Variants in SDK1 observed in about 807,000 individuals in gnomAD.
The protein encoded by SDK1 is sidekick cell adhesion molecule 1.
In SDK1, 157 loss-of-function variants were observed where a neutral mutation model predicts 245.5. The observed-to-expected ratio is 0.64, with a 90% confidence interval of 0.56 to 0.73. The LOEUF is 0.73. Among genes scored for constraint, SDK1 ranks in the 30% least tolerant of loss-of-function variants. The probability of loss-of-function intolerance (pLI) is 0.00; values close to 1 mark genes in which losing one functional copy is unlikely to be tolerated. For missense variants in SDK1, 3,583 were observed against 3,002.3 expected, an observed-to-expected ratio of 1.19 and a Z score of -4.52; for synonymous variants, 1,647 against 1,278.5, an observed-to-expected ratio of 1.29 and a Z score of -6.15.
chr7:4,138,614 G>GCA (rs1399812275), intron 28 of SDK1, among the ~76,000 whole-genome samples: 1 of 151,980 alleles, frequency 6.6e-6, no homozygotes, highest in East Asian at 1.9e-4. Context: ...GGGCATGTTG[G>GCA]CACACACCTG....
At chr7:3,681,137 C>T (rs189741058) in intron 4 of SDK1, among the ~76,000 whole-genome samples, 108 of 152,234 alleles carry the variant, frequency 7.1e-4, no homozygotes, top group Admixed American at 3.5e-3. Context: ...CCACCGCGCC[C>T]GGCTGCCACT....
At chr7:3,345,326 ATATGT>A (rs1413056572) in intron 1 of SDK1, among the ~76,000 whole-genome samples, 2 of 152,228 alleles carry the variant, frequency 1.3e-5, no homozygotes, top group African/African-American at 4.8e-5. Flanking sequence ...GGGACATGAC[ATATGT>A]TAGGAAACAA....
chr7:3,533,831 T>A (rs747736723), intron 1 of SDK1, among the ~76,000 whole-genome samples: 1 of 152,174 alleles, frequency 6.6e-6, no homozygotes, highest in South Asian at 2.1e-4. Context: ...TATGTGAATA[T>A]ATTCAATATA....
intron 1 of SDK1, among the ~76,000 whole-genome samples, chr7:3,363,494 G>C (rs1205379746): frequency 6.6e-6 from 1 of 151,990 alleles, no homozygotes; most frequent in Non-Finnish European, 1.5e-5. Flanking sequence ...TCAGTTGTTG[G>C]CTTGTATGTT....
intron 19 of SDK1, among the ~76,000 whole-genome samples, chr7:4,066,291 G>C (rs575315922): frequency 6.6e-6 from 1 of 152,302 alleles, no homozygotes; most frequent in East Asian, 1.9e-4. Context: ...CTCAATGGCA[G>C]GCGGGGAAGC....
intron 5 of SDK1, among the ~76,000 whole-genome samples, chr7:3,881,034 A>G (rs918006729): frequency 2.6e-5 from 4 of 152,146 alleles, no homozygotes; most frequent in African/African-American, 4.8e-5. Context: ...GGTAGACAGG[A>G]TTTTAATAAG....
intron 2 of SDK1, among the ~76,000 whole-genome samples, chr7:3,628,397 T>A (rs978922178): frequency 3.9e-5 from 6 of 152,134 alleles, no homozygotes; most frequent in African/African-American, 1.4e-4. Context: ...GCTGGCATAT[T>A]TTCTTAATAC....
At position 3,693,014 on chromosome 7, in the gene SDK1, C is replaced by T. The variant is rs114416044; in HGVS notation, c.713+50909C>T. ...TGCCAGTTTTCTGTTGAGATGATAG[C>T]CTTTTTTACAAAATAAATGAACATA... On this transcript the variant is annotated intron_variant, in intron 4 of 44. Transcript: ENST00000404826. Among the ~76,000 whole-genome samples, 181 of 151,764 alleles carry T rather than the reference C, an allele frequency of 1.2e-3. 1 individual carries two copies. Among genetic ancestry groups the T allele is most frequent in the African/African-American group, 4.2e-3 (176 of 41,412 alleles).
intron 4 of SDK1, among the ~76,000 whole-genome samples, chr7:3,798,519 A>C (rs777774655): frequency 6.6e-6 from 1 of 151,920 alleles, no homozygotes; most frequent in African/African-American, 2.4e-5. Flanking sequence ...ACCCAGCCAA[A>C]CTTGACACTC....
At position 3,972,007 on chromosome 7, in the gene SDK1, A is replaced by G. The variant is rs1037867459; in HGVS notation, c.1817+439A>G. ...GGGGAGGGAGTCCTGTGCATGGGAC[A>G]AAGTCACCCACAGCCCCCAGTGCAC... On this transcript the variant is annotated intron_variant, in intron 12 of 44. Transcript: ENST00000404826. Among the ~76,000 whole-genome samples, 4 of 151,764 alleles carry G rather than the reference A, an allele frequency of 2.6e-5. No homozygotes were observed. In the East Asian group the frequency reaches 7.7e-4, roughly 29 times the overall value.
At chr7:4,127,995 G>T (rs756786029) in intron 26 of SDK1, among the ~76,000 whole-genome samples, 1 of 152,292 alleles carries the variant, frequency 6.6e-6, no homozygotes, top group Admixed American at 6.5e-5. Context: ...AATGGCATCC[G>T]CTGGCAGGGT....
intron 5 of SDK1, among the ~76,000 whole-genome samples, chr7:3,872,633 G>A (rs1017846615): frequency 1.2e-4 from 17 of 146,778 alleles, no homozygotes; most frequent in African/African-American, 3.0e-4. Context: ...TATTCCACTC[G>A]AATATTGTAG....
chr7:3,492,111 C>G (rs768231359), intron 1 of SDK1, among the ~76,000 whole-genome samples: 1 of 152,158 alleles, frequency 6.6e-6, no homozygotes, highest in African/African-American at 2.4e-5. Flanking sequence ...TAAATTTCCC[C>G]TAATAGATAT....
At chr7:3,793,035 A>T (rs1007648047) in intron 4 of SDK1, among the ~76,000 whole-genome samples, 8 of 152,206 alleles carry the variant, frequency 5.3e-5, no homozygotes, top group African/African-American at 7.2e-5. Context: ...TGTAGGAGCT[A>T]ATGGAAAAAA....
chr7:3,819,331 T>C (rs1219656724), intron 4 of SDK1, among the ~76,000 whole-genome samples: 2 of 152,082 alleles, frequency 1.3e-5, no homozygotes, highest in African/African-American at 4.8e-5. Context: ...ATGGAAACTT[T>C]AATATTTTTA....
chr7:3,415,428 C>T (rs1779335001), intron 1 of SDK1, among the ~76,000 whole-genome samples: 1 of 151,780 alleles, frequency 6.6e-6, no homozygotes, highest in African/African-American at 2.4e-5. Flanking sequence ...AGATAAAAAA[C>T]AATGAGAGGT....
chr7:3,884,619 C>A (rs190060837), intron 5 of SDK1, among the ~76,000 whole-genome samples: 131 of 152,260 alleles, frequency 8.6e-4, no homozygotes, highest in African/African-American at 1.5e-3. Context: ...GTGTGCCAGG[C>A]TTGTTCTAGG....
chr7:3,388,976 A>G (rs1415092342), intron 1 of SDK1, among the ~76,000 whole-genome samples: 1 of 152,210 alleles, frequency 6.6e-6, no homozygotes, highest in African/African-American at 2.4e-5. Context: ...CTGGAAAGGA[A>G]ATAGCATTAT....
At chr7:3,970,939 G>T (rs1419444326) in intron 11 of SDK1, among the ~76,000 whole-genome samples, 2 of 152,162 alleles carry the variant, frequency 1.3e-5, no homozygotes, top group Non-Finnish European at 2.9e-5. Context: ...CAAGCTGGGG[G>T]TCCCCATCCC....
Sources: allele counts gnomAD v4.1 joint callset (sites outside exome capture counted in the v4.1 genomes callset), GRCh38; gene constraint gnomAD v4.1.1; transcripts MANE v1.5; gene names NCBI Gene and HGNC (gene_info 2026-07-23, HGNC 2026-07-21).